BRIP1: variants seen among roughly 807,000 people sequenced by gnomAD.
The protein encoded by BRIP1 is Fanconi anemia group J protein.
In BRIP1, 88 loss-of-function variants were observed where a neutral mutation model predicts 119.7. That is an observed-to-expected ratio of 0.74 (90% CI 0.62 to 0.88). BRIP1 has a LOEUF of 0.88. Among genes scored for constraint, BRIP1 ranks in the 40% least tolerant of loss-of-function variants. BRIP1 has a pLI of 0.00. For missense variants in BRIP1, 1,259 were observed against 1,455.4 expected, an observed-to-expected ratio of 0.87 and a Z score of 2.20; for synonymous variants, 443 against 496.5, an observed-to-expected ratio of 0.89 and a Z score of 1.43.
intron 17 of BRIP1, among the ~76,000 whole-genome samples, chr17:61,697,301 C>T (rs566728397): frequency 1.6e-5 from 2 of 121,844 alleles, no homozygotes; most frequent in Non-Finnish European, 3.2e-5. Context: ...CATGCCATTG[C>T]ACTCCAGCCC....
rs1449163244 is a variant in BRIP1, at chr17:61,802,268, C to T, written c.919-794G>A. Among the ~76,000 whole-genome samples the T allele has an allele frequency of 6.6e-6, 1 of 152,058 alleles. No homozygotes were observed. Among genetic ancestry groups the T allele is most frequent in the Admixed American group, 6.6e-5 (1 of 15,252 alleles). On this transcript the variant is annotated intron_variant, in intron 7 of 19. Coordinates refer to ENST00000259008, the MANE Select transcript of BRIP1 (RefSeq NM_032043.3). This position sits in a 1 kb window ranked among gnomAD's most constrained non-coding sequence, Gnocchi z 6.0. ...TTTAGGTGAGGAGTTTGATACCAGCCTGGGCAATGTAGCAAAACCCTGTCT... is the reference window on the plus strand; with the variant it reads ...TTTAGGTGAGGAGTTTGATACCAGCTTGGGCAATGTAGCAAAACCCTGTCT...
At chr17:61,779,972 T>C (rs556519191) in intron 13 of BRIP1, among the ~76,000 whole-genome samples, 67 of 152,150 alleles carry the variant, frequency 4.4e-4, no homozygotes, top group African/African-American at 1.6e-3. Flanking sequence ...TAAAACATAA[T>C]TATACAATGA....
intron 6 of BRIP1, among the ~76,000 whole-genome samples, chr17:61,821,124 T>G (rs935804565): frequency 6.6e-6 from 1 of 152,108 alleles, no homozygotes; most frequent in Non-Finnish European, 1.5e-5. Flanking sequence ...CTGTGACCAG[T>G]CTGATTGGTT....
At position 61,832,982 on chromosome 17, in the gene BRIP1, A is replaced by G. The variant is rs913484285; in HGVS notation, c.627+14119T>C. ...AAAAGATATTTGGATTGTACTTCCA[A>G]TTTCTCTATAATTTTGTGACAGCCA... On this transcript the variant is annotated intron_variant, in intron 6 of 19. Coordinates refer to ENST00000259008, the MANE Select transcript of BRIP1 (RefSeq NM_032043.3). This position sits in a 1 kb window ranked among gnomAD's most constrained non-coding sequence, Gnocchi z 5.5. 6.6e-6 allele frequency among the ~76,000 whole-genome samples: 1 copy of G among 152,236 alleles called. No individual in the cohort carries two copies. The highest frequency in any genetic ancestry group is 2.4e-5 in the African/African-American group (1 of 41,464).
rs1040475455 is a variant in BRIP1, at chr17:61,738,568, C to CT, written c.2379+4444dup. Among the ~76,000 whole-genome samples the CT allele has an allele frequency of 6.6e-6, 1 of 152,010 alleles. No homozygotes were observed. The highest frequency in any genetic ancestry group is 2.4e-5 in the African/African-American group (1 of 41,398). On this transcript the variant is annotated intron_variant, in intron 16 of 19. Coordinates refer to ENST00000259008, the MANE Select transcript of BRIP1 (RefSeq NM_032043.3). This position sits in a 1 kb window ranked among gnomAD's most constrained non-coding sequence, Gnocchi z 4.2. Reference sequence around the variant, plus strand: ...AATGTCAGAGTAGGCCATCAGGTGTCTTTTTTGCATGACAGACTGAGATAT... The same window carrying CT: ...AATGTCAGAGTAGGCCATCAGGTGTCTTTTTTTGCATGACAGACTGAGATAT...
At chr17:61,733,482 C>G (rs869312534) in intron 16 of BRIP1, among the ~76,000 whole-genome samples, 1 of 152,044 alleles carries the variant, frequency 6.6e-6, no homozygotes, top group Non-Finnish European at 1.5e-5. Flanking sequence ...GGAAAGCACC[C>G]TTTTTCTGTG....
At position 61,717,640 on chromosome 17, in the gene BRIP1, G is replaced by A. The variant is rs906045696; in HGVS notation, c.2380-1577C>T. 3.3e-5 allele frequency among the ~76,000 whole-genome samples: 5 copies of A among 151,954 alleles called. No individual in the cohort carries two copies. The highest frequency in any genetic ancestry group is 9.7e-5 in the African/African-American group (4 of 41,366). ...CCCTTTCTTTTAGCGACTTTGGATTGGATTACAGTGTGCTGTTGTGTGTAT... is the reference window on the plus strand; with the variant it reads ...CCCTTTCTTTTAGCGACTTTGGATTAGATTACAGTGTGCTGTTGTGTGTAT... On this transcript the variant is annotated intron_variant, in intron 16 of 19. Transcript: ENST00000259008. This position sits in a 1 kb window ranked among gnomAD's most constrained non-coding sequence, Gnocchi z 4.1.
chr17:61,811,447 T>C (rs1374562317), intron 6 of BRIP1, among the ~76,000 whole-genome samples: 2 of 151,798 alleles, frequency 1.3e-5, no homozygotes, highest in Non-Finnish European at 2.9e-5. Flanking sequence ...GGTCTCGAAC[T>C]CCCGAAATCA....
At position 61,735,044 on chromosome 17, in the gene BRIP1, T is replaced by C. The variant is rs2076899347; in HGVS notation, c.2379+7969A>G. ...AATGTAAAAGAAAACTATAAAGTTC[T>C]AATTTAAGGTCCTATAATTTGAAGC... On this transcript the variant is annotated intron_variant, in intron 16 of 19. Transcript: ENST00000259008. This position sits in a 1 kb window ranked among gnomAD's most constrained non-coding sequence, Gnocchi z 4.4. Among the ~76,000 whole-genome samples the C allele has an allele frequency of 6.6e-6, 1 of 152,242 alleles. No homozygotes were observed. The highest frequency in any genetic ancestry group is 2.4e-5 in the African/African-American group (1 of 41,468).
chr17:61,743,381 A>G lies in BRIP1; in HGVS notation c.2258-247T>C, dbSNP rs1297956721. 1.3e-5 allele frequency among the ~76,000 whole-genome samples: 2 copies of G among 152,212 alleles called. No individual in the cohort carries two copies. Among genetic ancestry groups the G allele is most frequent in the African/African-American group, 4.8e-5 (2 of 41,462 alleles). On this transcript the variant is annotated intron_variant, in intron 15 of 19. Transcript: ENST00000259008. This position sits in a 1 kb window ranked among gnomAD's most constrained non-coding sequence, Gnocchi z 4.3. ...ACTCTGCATCTTCCAGATAACTTAT[A>G]CAGTAAAAACATGTCAGAATAGCAA...
rs2077175018 is a variant in BRIP1, at chr17:61,754,596, A to C, written c.2098-10005T>G. Among the ~76,000 whole-genome samples the C allele has an allele frequency of 6.6e-6, 1 of 152,186 alleles. No homozygotes were observed. Among genetic ancestry groups the C allele is most frequent in the Admixed American group, 6.5e-5 (1 of 15,290 alleles). ...AATATCAGACTGAATGGCTTAAACA[A>C]AAGAAATTTATTTCTTACAGTTATT... On this transcript the variant is annotated intron_variant, in intron 14 of 19. Coordinates refer to ENST00000259008, the MANE Select transcript of BRIP1 (RefSeq NM_032043.3). This position sits in a 1 kb window ranked among gnomAD's most constrained non-coding sequence, Gnocchi z 4.1.
intron 16 of BRIP1, among the ~76,000 whole-genome samples, chr17:61,721,342 T>G (rs1454112882): frequency 6.8e-6 from 1 of 146,850 alleles, no homozygotes; most frequent in East Asian, 2.0e-4. Context: ...CGATCTTGGC[T>G]CACTGCAACC....
At chr17:61,712,154 G>A (rs2061786804) in intron 17 of BRIP1, among the ~76,000 whole-genome samples, 1 of 152,242 alleles carries the variant, frequency 6.6e-6, no homozygotes, top group East Asian at 1.9e-4. Flanking sequence ...ATGATTAGTT[G>A]TGGGACTTCT....
Position 61,799,107 on chromosome 17 carries a change from G to C in BRIP1, c.1333C>G (p.Leu445Val), listed in dbSNP as rs2077945895. 1 of 1,611,358 alleles carries C rather than the reference G, an allele frequency of 6.2e-7. No homozygotes were observed. Among genetic ancestry groups the C allele is most frequent in the Non-Finnish European group, 8.5e-7 (1 of 1,177,792 alleles). ...HEPLRAVCCS[L>V]INWLEANAEY... is the part of the protein sequence containing the mutation. Reference sequence around the variant, plus strand: ...ATAGACAAATCTTCTTACTTAATGAGGCTACAGCACACAGCTCGTAGGGGT... The same window carrying C: ...ATAGACAAATCTTCTTACTTAATGACGCTACAGCACACAGCTCGTAGGGGT... The change falls in exon 9 of 20, where the codon CTC becomes GTC. Residue 445 changes from leucine (L) to valine (V), a missense_variant. Leu to Val is a conservative substitution (Grantham distance 32, BLOSUM62 1). Coordinates refer to ENST00000259008, the MANE Select transcript of BRIP1 (RefSeq NM_032043.3). The surrounding 1 kb of genome is among the most constrained non-coding windows in gnomAD (Gnocchi z 5.1).
rs775719981 is a variant in BRIP1, at chr17:61,846,138, C to T, written c.627+963G>A. On this transcript the variant is annotated intron_variant, in intron 6 of 19. Transcript: ENST00000259008. The surrounding 1 kb of genome is among the most constrained non-coding windows in gnomAD (Gnocchi z 4.3). ...CGGAGCTTGCAGTGGGCGGAGATCA[C>T]GCCACCGCACTTCCAGCCTGGGTGA... 4.0e-5 allele frequency among the ~76,000 whole-genome samples: 6 copies of T among 151,674 alleles called. No homozygotes were observed. The South Asian group carries it at 8.3e-4, about 21-fold the overall frequency.
In BRIP1 at chr17:61,691,360, CAT is replaced by C. The variant is rs2061444899; in HGVS notation, c.2575+2068_2575+2069del. 6.6e-6 allele frequency among the ~76,000 whole-genome samples: 1 copy of C among 152,098 alleles called. No homozygotes were observed. The highest frequency in any genetic ancestry group is 2.4e-5 in the African/African-American group (1 of 41,416). ...AACCTGTACACTGGAAATTATAAAACATTGCTGAAAAACAGTAAAGATAACAC... is the reference window on the plus strand; with the variant it reads ...AACCTGTACACTGGAAATTATAAAACTGCTGAAAAACAGTAAAGATAACAC... On this transcript the variant is annotated intron_variant, in intron 18 of 19. Transcript: ENST00000259008. This position sits in a 1 kb window ranked among gnomAD's most constrained non-coding sequence, Gnocchi z 5.0.
chr17:61,792,801 C>A (rs184026433), intron 10 of BRIP1, among the ~76,000 whole-genome samples: 1 of 152,064 alleles, frequency 6.6e-6, no homozygotes, highest in Non-Finnish European at 1.5e-5. Context: ...AAGGGGTAAA[C>A]CTTAAGGTAA....
intron 16 of BRIP1, among the ~76,000 whole-genome samples, chr17:61,718,208 G>A (rs1021222515): frequency 1.3e-5 from 2 of 152,154 alleles, no homozygotes; most frequent in Non-Finnish European, 2.9e-5. Context: ...ACTAGACATT[G>A]TGGGCATTAA....
At position 61,816,563 on chromosome 17, in the gene BRIP1, T is replaced by C. The variant is rs1372576088; in HGVS notation, c.628-7806A>G. 6.6e-6 allele frequency among the ~76,000 whole-genome samples: 1 copy of C among 152,182 alleles called. No individual in the cohort carries two copies. The highest frequency in any genetic ancestry group is 1.5e-5 in the Non-Finnish European group (1 of 68,016). On this transcript the variant is annotated intron_variant, in intron 6 of 19. Coordinates refer to ENST00000259008, the MANE Select transcript of BRIP1 (RefSeq NM_032043.3). This position sits in a 1 kb window ranked among gnomAD's most constrained non-coding sequence, Gnocchi z 5.0. ...AGTTTCTGAAAAGTCTGTGTTTCAA[T>C]AGAGTAAATCAATAAGAATTATCAG...
Sources: gnomAD v4.1 joint callset for allele counts (sites outside exome capture counted in the v4.1 genomes callset) on GRCh38, gnomAD v4.1.1 for gene constraint, Gnocchi (gnomAD v3.1) non-coding constraint, MANE v1.5 for transcripts, NCBI Gene and HGNC (gene_info 2026-07-23, HGNC 2026-07-21) for gene names.